Variants in PCED1B observed in about 807,000 individuals in gnomAD.
PCED1B encodes the protein PC-esterase domain-containing protein 1B.
For missense variants in PCED1B, 573 were observed against 573.9 expected, an observed-to-expected ratio of 1.00 and a Z score of 0.02; for synonymous variants, 251 against 246.1, an observed-to-expected ratio of 1.02 and a Z score of -0.19.
In PCED1B at chr12:47,101,062, C is replaced by T. The variant is rs1938683895; in HGVS notation, c.-608-3051C>T. On this transcript the variant is annotated intron_variant, in intron 1 of 3. Coordinates refer to ENST00000546455, the MANE Select transcript of PCED1B (RefSeq NM_138371.3). ...TCCAGCCTGGGCGACAGAGTGAGGT[C>T]CATCTCAAAAAAAGAAAAAAAAAAG... 2.1e-5 allele frequency among the ~76,000 whole-genome samples: 3 copies of T among 140,558 alleles called. No individual in the cohort carries two copies. The East Asian group carries it at 6.9e-4, about 32-fold the overall frequency. The allele number at this position is 140,558 out of a possible 152,430, so 92.2% of individuals were successfully genotyped here.
chr12:47,087,853 T>C (rs1177063029), intron 1 of PCED1B, among the ~76,000 whole-genome samples: 1 of 152,228 alleles, frequency 6.6e-6, no homozygotes, highest in Non-Finnish European at 1.5e-5. Context: ...TCATCTTATC[T>C]GTGGCACTCG....
chr12:47,194,301 A>G (rs555579859), intron 2 of PCED1B, among the ~76,000 whole-genome samples: 1 of 152,256 alleles, frequency 6.6e-6, no homozygotes, highest in East Asian at 1.9e-4. Context: ...CAGCCTCCTG[A>G]ATAGCTGGGA....
intron 2 of PCED1B, among the ~76,000 whole-genome samples, chr12:47,146,763 T>C (rs765067684): frequency 7.2e-5 from 11 of 152,166 alleles, no homozygotes; most frequent in Non-Finnish European, 1.5e-4. Context: ...ACCCAAAAAT[T>C]CATACGATTT....
At chr12:47,230,021 G>C (rs1037745225) in intron 3 of PCED1B, among the ~76,000 whole-genome samples, 4 of 149,858 alleles carry the variant, frequency 2.7e-5, no homozygotes, top group Non-Finnish European at 5.9e-5. Flanking sequence ...TGATCTGCCC[G>C]CCTCAGCCTC....
At chr12:47,188,587 T>C (rs1478306023) in intron 2 of PCED1B, among the ~76,000 whole-genome samples, 1 of 152,218 alleles carries the variant, frequency 6.6e-6, no homozygotes, top group African/African-American at 2.4e-5. Flanking sequence ...AGTTAAGGAC[T>C]TCCTTTTTTC....
At chr12:47,175,595 T>C (rs1941897761) in intron 2 of PCED1B, among the ~76,000 whole-genome samples, 2 of 152,250 alleles carry the variant, frequency 1.3e-5, no homozygotes, top group South Asian at 2.1e-4. Context: ...TATTTTGAGA[T>C]GGAGTTTCAC....
intron 1 of PCED1B, among the ~76,000 whole-genome samples, chr12:47,097,456 G>A (rs1938527495): frequency 6.6e-6 from 1 of 152,118 alleles, no homozygotes; most frequent in Admixed American, 6.5e-5. Flanking sequence ...GGGAAGGCAG[G>A]GCTGATAATA....
chr12:47,148,464 T>G (rs146872237), intron 2 of PCED1B, among the ~76,000 whole-genome samples: 42 of 152,212 alleles, frequency 2.8e-4, no homozygotes, highest in African/African-American at 9.6e-4. Context: ...GGGCTAGCTA[T>G]AGGGCAGGAA....
chr12:47,156,838 C>T (rs1023757217), intron 2 of PCED1B, among the ~76,000 whole-genome samples: 7 of 152,078 alleles, frequency 4.6e-5, no homozygotes, highest in Non-Finnish European at 5.9e-5. Flanking sequence ...AGCTCTCCTT[C>T]GTTACTTACT....
At chr12:47,086,156 C>T (rs1010029907) in intron 1 of PCED1B, among the ~76,000 whole-genome samples, 1 of 152,028 alleles carries the variant, frequency 6.6e-6, no homozygotes, top group Non-Finnish European at 1.5e-5. Flanking sequence ...ATATTCTCAG[C>T]GTTCAGGGTT....
chr12:47,165,143 T>A (rs1011083187), intron 2 of PCED1B, among the ~76,000 whole-genome samples: 2 of 152,220 alleles, frequency 1.3e-5, no homozygotes, highest in Non-Finnish European at 2.9e-5. Flanking sequence ...CTCAATTTTC[T>A]ACTGTCATCT....
intron 3 of PCED1B, among the ~76,000 whole-genome samples, chr12:47,231,563 AG>A (rs1470182493): frequency 6.6e-6 from 1 of 152,220 alleles, no homozygotes; most frequent in Non-Finnish European, 1.5e-5. Context: ...TTGATAAGAA[AG>A]GGCAGATCTG....
intron 2 of PCED1B, among the ~76,000 whole-genome samples, chr12:47,123,014 A>C (rs1164217398): frequency 6.6e-6 from 1 of 152,244 alleles, no homozygotes; most frequent in Non-Finnish European, 1.5e-5. Flanking sequence ...GGTAAGAAGC[A>C]GAATGCAGAA....
intron 1 of PCED1B, among the ~76,000 whole-genome samples, chr12:47,096,620 G>T (rs1235038864): frequency 6.6e-6 from 1 of 152,124 alleles, no homozygotes; most frequent in East Asian, 1.9e-4. Flanking sequence ...TCTGGGCTTA[G>T]CAAGTCTGTG....
At chr12:47,122,175 GC>G (rs1225078047) in intron 2 of PCED1B, among the ~76,000 whole-genome samples, 1 of 151,684 alleles carries the variant, frequency 6.6e-6, no homozygotes, top group Non-Finnish European at 1.5e-5. Flanking sequence ...CTAAATGTTT[GC>G]CATTGTTATT....
chr12:47,229,715 C>T (rs934639987), intron 3 of PCED1B, among the ~76,000 whole-genome samples: 2 of 152,086 alleles, frequency 1.3e-5, no homozygotes, highest in African/African-American at 4.8e-5. Context: ...TGTATGACAT[C>T]ACCATCATTT....
intron 3 of PCED1B, among the ~76,000 whole-genome samples, chr12:47,218,701 T>C (rs1223737552): frequency 1.3e-5 from 2 of 148,354 alleles, no homozygotes; most frequent in African/African-American, 5.0e-5. Context: ...GACAGAGGTG[T>C]AGCTTTATTG....
chr12:47,109,543 A>G (rs1204096039), intron 2 of PCED1B, among the ~76,000 whole-genome samples: 1 of 152,132 alleles, frequency 6.6e-6, no homozygotes. Context: ...AGTTTCTGGA[A>G]TTTCAGAAAT....
intron 2 of PCED1B, among the ~76,000 whole-genome samples, chr12:47,211,646 T>A (rs550758825): frequency 3.4e-4 from 38 of 111,042 alleles, no homozygotes; most frequent in African/African-American, 1.5e-3. Flanking sequence ...AGAGTGAGAC[T>A]CTGTCTCAAA....
Sources: allele counts gnomAD v4.1 joint callset (sites outside exome capture counted in the v4.1 genomes callset), GRCh38; gene constraint gnomAD v4.1.1; transcripts MANE v1.5; gene names NCBI Gene and HGNC (gene_info 2026-07-23, HGNC 2026-07-21).